The following LAMA5 variants were observed in gnomAD, a reference collection of about 807,000 sequenced individuals.
LAMA5 encodes laminin subunit alpha 5.
LAMA5 carries 260 observed loss-of-function variants against 433.4 expected under a neutral mutation model. The observed-to-expected ratio is 0.60, with a 90% CI of 0.54 to 0.66. The LOEUF (loss-of-function observed/expected upper bound fraction) is 0.66, where lower values mean the gene tolerates loss of function less well. LAMA5 is among the 30% of genes least tolerant of loss of function. LAMA5 has a pLI of 0.00. For missense variants in LAMA5, 5,378 were observed against 5,258.5 expected (o/e 1.02, Z -0.70); for synonymous variants, 2,620 against 2,226.6 (o/e 1.18, Z -4.97).
rs1310924210 is a variant in LAMA5, at chr20:62,309,079, CTTTTTAA to C, written c.*250_*256del. ...CATTCATTCGGTTACACAGAAGTTACTTTTTAATTTTTAAGGAGGAACCAGTGATGAT... is the reference window on the plus strand; with the variant it reads ...CATTCATTCGGTTACACAGAAGTTACTTTTTAAGGAGGAACCAGTGATGAT... On this transcript the variant is annotated 3_prime_UTR_variant, in exon 80 of 80. Coordinates refer to ENST00000252999, the MANE Select transcript of LAMA5 (RefSeq NM_005560.6). 28 of 609,300 alleles carry C rather than the reference CTTTTTAA, an allele frequency of 4.6e-5. No individual in the cohort carries two copies. Among genetic ancestry groups the C allele is most frequent in the Non-Finnish European group, 6.8e-5 (25 of 365,464 alleles). 37.7% of individuals were successfully genotyped at this position (609,300 alleles called of 1,614,324 possible).
At chr20:62,330,695 G>C (rs574002150) in intron 30 of LAMA5, 48 bp downstream of exon 30, 1 of 1,556,826 alleles carries the variant, frequency 6.4e-7, no homozygotes, top group South Asian at 1.2e-5. Flanking sequence ...GTTGGGACCC[G>C]GAGTCCTGCC....
rs1169881271 is a variant in LAMA5 at position 62,318,383 on chromosome 20, C to T, written c.7239+71G>A. 3.8e-5 allele frequency: 41 copies of T among 1,065,590 alleles called. 1 individual carries two copies. The Middle Eastern group carries it at 1.2e-3, about 32-fold the overall frequency. The allele number at this position is 1,065,590 out of a possible 1,614,324, so 66.0% of individuals were successfully genotyped here. ...GACGAGGGGAGGGGAGGGGAGGAGC[C>T]GGAGAGGAGAGGGATTGCAGGGAGG... On this transcript the variant is annotated intron_variant, in intron 53 of 79. Coordinates refer to ENST00000252999, the MANE Select transcript of LAMA5 (RefSeq NM_005560.6).
At chr20:62,315,890 A>G in intron 58 of LAMA5, 58 bp downstream of exon 58, 1 of 1,312,956 alleles carries the variant, frequency 7.6e-7, no homozygotes, top group South Asian at 1.3e-5. Flanking sequence ...GGCCAGCGCC[A>G]CTGTCACAGA....
chr20:62,346,627 A>G, intron 8 of LAMA5, 31 bp from the exon 9 acceptor site: 1 of 1,610,152 alleles, frequency 6.2e-7, no homozygotes, highest in Admixed American at 1.7e-5. Context: ...GAGTCTGGGG[A>G]GGTCCCTGCC....
intron 1 of LAMA5, among the ~76,000 whole-genome samples, chr20:62,365,059 C>T (rs1013521627): frequency 6.6e-5 from 10 of 152,402 alleles, no homozygotes; most frequent in African/African-American, 2.2e-4. Flanking sequence ...CATCCAAGGT[C>T]ATACCCGTCC....
At chr20:62,336,468 G>T (rs1427803690) in intron 17 of LAMA5, 23 bp from the exon 18 acceptor site, 1 of 1,587,370 alleles carries the variant, frequency 6.3e-7, no homozygotes, top group Non-Finnish European at 8.6e-7. Flanking sequence ...AAGACTGCAG[G>T]TCAGAGCGGG....
intron 16 of LAMA5, among the ~76,000 whole-genome samples, chr20:62,337,331 C>G (rs1981825760): frequency 6.6e-6 from 1 of 152,234 alleles, no homozygotes; most frequent in Non-Finnish European, 1.5e-5. Flanking sequence ...ACACATGACA[C>G]CCGTACACAC....
intron 40 of LAMA5, among the ~76,000 whole-genome samples, chr20:62,325,799 G>C (rs112421766): frequency 1.3e-5 from 2 of 152,184 alleles, no homozygotes; most frequent in African/African-American, 2.4e-5. Flanking sequence ...CAAGCTTCTA[G>C]AAGAAAACAT....
At position 62,329,825 on chromosome 20, in the gene LAMA5, G is replaced by C; in HGVS notation, c.4071C>G (p.Ser1357Arg). Residue 1357 changes from serine (S) to arginine (R), a missense_variant, in exon 32 of 80, where the codon AGC becomes AGG. By Grantham distance (110) the Ser-to-Arg change is moderately radical. Coordinates refer to ENST00000252999, the MANE Select transcript of LAMA5 (RefSeq NM_005560.6). Reference protein sequence around the residue: ...EGQALLDVTHSELTVTVRVPK... With the variant: ...EGQALLDVTHRELTVTVRVPK... ...GCACACGCACGGTCACAGTGAGCTC[G>C]CTGTGGGTCACGTCCAGCAGGGCCT... is the stretch of plus-strand genomic sequence containing the variant. 1 of 1,612,390 alleles carries C rather than the reference G, an allele frequency of 6.2e-7. No individual in the cohort carries two copies. Among genetic ancestry groups the C allele is most frequent in the African/African-American group, 1.3e-5 (1 of 75,068 alleles).
At chr20:62,332,260 G>A (rs117021769) in intron 28 of LAMA5, 112 bp downstream of exon 28, 3 of 747,858 alleles carry the variant, frequency 4.0e-6, no homozygotes, top group African/African-American at 3.4e-5. Context: ...GCATGAGCGA[G>A]TGTGGCCGCC....
chr20:62,338,478 G>A lies in LAMA5; in HGVS notation c.1608C>T (p.Pro536=), dbSNP rs138884989. ...CELCAPGFYG[P]GCQPCQCSSP... is the part of the protein sequence containing the mutation. The stretch of plus-strand genomic sequence containing the variant: ...GGAGAGGGGACTCACGCTGGCAGCC[G>A]GGGCCGTAGAACCCTGGCGCGCAGA... Residue 536 remains proline (P), a synonymous_variant, in exon 12 of 80, where the codon CCC becomes CCT. Coordinates refer to ENST00000252999, the MANE Select transcript of LAMA5 (RefSeq NM_005560.6). 1.9e-5 allele frequency: 31 copies of A among 1,608,262 alleles called. No homozygotes were observed. The highest frequency in any genetic ancestry group is 1.5e-4 in the African/African-American group (11 of 74,908).
At chr20:62,360,016 GACCC>G (rs937546779) in intron 2 of LAMA5, among the ~76,000 whole-genome samples, 1 of 150,206 alleles carries the variant, frequency 6.7e-6, no homozygotes, top group Non-Finnish European at 1.5e-5. Context: ...GGAGTGCCCG[GACCC>G]ACCCGCCGCT....
rs942438480 is a variant in LAMA5, at chr20:62,337,703, G to A, written c.2051C>T (p.Ser684Phe). ...CCGGGGGTCACAGGCTGCGTGCAGG[G>A]AGCCTTCAGCAGAGCAGTGGCAGGC... Reference protein sequence around the residue: ...CVPCHCSAEGSLHAACDPRSG... With the variant: ...CVPCHCSAEGFLHAACDPRSG... Residue 684 changes from serine (S) to phenylalanine (F), a missense_variant, in exon 16 of 80, where the codon TCC becomes TTC. Physicochemically the swap from Ser to Phe is radical, Grantham distance 155 (BLOSUM62 -2). Coordinates refer to ENST00000252999, the MANE Select transcript of LAMA5 (RefSeq NM_005560.6). 2.5e-6 allele frequency: 4 copies of A among 1,611,132 alleles called. No individual in the cohort carries two copies. Among genetic ancestry groups the A allele is most frequent in the African/African-American group, 2.7e-5 (2 of 74,936 alleles).
intron 18 of LAMA5, 137 bp from the exon 19 acceptor site, chr20:62,335,406 CCT>C: frequency 6.6e-6 from 5 of 752,028 alleles, no homozygotes; most frequent in Non-Finnish European, 6.6e-6. Flanking sequence ...GCCCCTGCAC[CCT>C]GACACTCCCT....
At chr20:62,326,626 G>T in intron 40 of LAMA5, 51 bp downstream of exon 40, 1 of 1,466,784 alleles carries the variant, frequency 6.8e-7, no homozygotes, top group Non-Finnish European at 9.5e-7. Context: ...GGCCTTCCCA[G>T]ATGAGCTGAG....
chr20:62,316,719 T>A lies in LAMA5; in HGVS notation c.7708A>T (p.Thr2570Ser). ...DRAQQLLANS[T>S]ALEEAMLQEQ... Reference sequence around the variant, plus strand: ...TGGAGCATGGCCTCTTCTAGTGCAGTGCTGTTGGCCAGGAGCTGCTGGGCT... The same window carrying A: ...TGGAGCATGGCCTCTTCTAGTGCAGAGCTGTTGGCCAGGAGCTGCTGGGCT... The change falls in exon 57 of 80, where the codon ACT becomes TCT. Residue 2570 changes from threonine (T) to serine (S), a missense_variant. Physicochemically the swap from Thr to Ser is moderately conservative, Grantham distance 58. Transcript: ENST00000252999. The A allele has an allele frequency of 6.2e-7, 1 of 1,609,872 alleles. No individual in the cohort carries two copies. The highest frequency in any genetic ancestry group is 8.5e-7 in the Non-Finnish European group (1 of 1,178,302).
Position 62,329,846 on chromosome 20 carries a change from G to T in LAMA5, c.4050C>A (p.Ala1350=), listed in dbSNP as rs1194754311. 5 of 1,612,394 alleles carry T rather than the reference G, an allele frequency of 3.1e-6. No individual in the cohort carries two copies. The East Asian group carries it at 1.1e-4, about 36-fold the overall frequency. Residue 1350 remains alanine (A), a synonymous_variant, in exon 32 of 80, where the codon GCC becomes GCA. Coordinates refer to ENST00000252999, the MANE Select transcript of LAMA5 (RefSeq NM_005560.6). ...CRTLVVCEGQ[A]LLDVTHSELT... ...GCTCGCTGTGGGTCACGTCCAGCAG[G>T]GCCTGGCCCTCACACACCACCAGGG...
intron 40 of LAMA5, among the ~76,000 whole-genome samples, chr20:62,326,018 C>G (rs534946926): frequency 1.7e-4 from 26 of 151,954 alleles, no homozygotes; most frequent in Admixed American, 3.9e-4. Flanking sequence ...GTCAGGAGTT[C>G]GAGACCAGCC....
intron 14 of LAMA5, 23 bp downstream of exon 14, chr20:62,337,993 T>TCCTGC: frequency 6.3e-7 from 1 of 1,596,204 alleles, no homozygotes; most frequent in Non-Finnish European, 8.6e-7. Context: ...CAGAACCCCT[T>TCCTGC]CCTGCCCTGA....
Sources: gnomAD v4.1 joint callset for allele counts (sites outside exome capture counted in the v4.1 genomes callset) on GRCh38, gnomAD v4.1.1 for gene constraint, MANE v1.5 for transcripts, NCBI Gene and HGNC (gene_info 2026-07-23, HGNC 2026-07-21) for gene names.